Variants in TSGA10IP observed in about 807,000 individuals in gnomAD.
TSGA10IP encodes the protein testis-specific protein 10-interacting protein.
A neutral mutation model predicts 63.2 loss-of-function variants in TSGA10IP; 64 were observed. The ratio of observed to expected loss-of-function variants is 1.01; its 90% CI spans 0.83 to 1.25. The LOEUF (loss-of-function observed/expected upper bound fraction) is 1.25, where lower values mean the gene tolerates loss of function less well. Ranked by LOEUF, TSGA10IP falls within the 50% of genes most tolerant of loss-of-function variation. The pLI is 0.00. For missense variants in TSGA10IP, 681 were observed against 710.1 expected (o/e 0.96, Z 0.47); for synonymous variants, 316 against 298.3 (o/e 1.06, Z -0.61).
intron 5 of TSGA10IP, among the ~76,000 whole-genome samples, chr11:65,956,902 T>C (rs1010747372): frequency 6.6e-6 from 1 of 151,796 alleles, no homozygotes; most frequent in Non-Finnish European, 1.5e-5. Flanking sequence ...GCAAAAAGAG[T>C]GATTCAACCT....
chr11:65,947,942 C>A, intron 3 of TSGA10IP, 59 bp from the exon 4 acceptor site: 3 of 1,525,884 alleles, frequency 2.0e-6, no homozygotes, highest in Middle Eastern at 1.9e-4. Flanking sequence ...TGCTGGGGGG[C>A]GTTGCCTGGT....
intron 4 of TSGA10IP, among the ~76,000 whole-genome samples, chr11:65,948,809 A>C (rs2134868091): frequency 6.6e-6 from 1 of 151,584 alleles, no homozygotes; most frequent in East Asian, 2.0e-4. Context: ...CCCTGTCTCT[A>C]CTGAAAATAT....
At chr11:65,959,684 G>T in intron 7 of TSGA10IP, 133 bp from the exon 8 acceptor site, 1 of 1,298,876 alleles carries the variant, frequency 7.7e-7, no homozygotes, top group South Asian at 1.6e-5. Flanking sequence ...AGTGAGACTC[G>T]AGAAGAGTCA....
intron 5 of TSGA10IP, among the ~76,000 whole-genome samples, chr11:65,954,978 C>T (rs1855000514): frequency 6.6e-6 from 1 of 152,222 alleles, no homozygotes; most frequent in African/African-American, 2.4e-5. Flanking sequence ...CGCATGCGCT[C>T]AGCATCTGCA....
Position 65,953,553 on chromosome 11 carries a change from CTTTCT to C in TSGA10IP, c.1152-13_1152-9del. 6.4e-7 allele frequency: 1 copy of C among 1,560,672 alleles called. No individual in the cohort carries two copies. ...CCCGTGAACCTCTCATTCCCCTTCCCTTTCTCACCCAAGGAGCCTGCTGCAGGCCT... is the reference window on the plus strand; with the variant it reads ...CCCGTGAACCTCTCATTCCCCTTCCCCACCCAAGGAGCCTGCTGCAGGCCT... On this transcript the variant is annotated splice_polypyrimidine_tract_variant and intron_variant, in intron 4 of 7. Coordinates refer to ENST00000532620, the Ensembl canonical transcript of TSGA10IP.
At chr11:65,947,758 G>T in exon 3 of TSGA10IP, 1 of 1,588,338 alleles carries the variant, frequency 6.3e-7, no homozygotes. Context: ...GGAAGACAAG[G>T]GCCAAGGAGC....
intron 4 of TSGA10IP, 65 bp downstream of exon 4, chr11:65,948,213 GAGATGCTTA>G (rs1854880027): frequency 1.3e-6 from 2 of 1,512,696 alleles, no homozygotes; most frequent in African/African-American, 2.8e-5. Context: ...ACTTCTCCAA[GAGATGCTTA>G]GGCATTTGAA....
chr11:65,959,125 C>A lies in TSGA10IP; in HGVS notation c.1423-65C>A, dbSNP rs552821346. ...GGAATCCCTGGGACCCCCTCAGTAA[C>A]CCGATCCCCACCTTGCCCTCGGCAG... On this transcript the variant is annotated intron_variant, in intron 6 of 7. Transcript: ENST00000532620. The A allele has an allele frequency of 1.0e-5, 16 of 1,578,802 alleles. No homozygotes were observed. The East Asian group carries it at 3.2e-4, about 32-fold the overall frequency.
intron 4 of TSGA10IP, among the ~76,000 whole-genome samples, chr11:65,953,021 TC>T (rs1854965609): frequency 6.7e-6 from 1 of 149,932 alleles, no homozygotes; most frequent in Non-Finnish European, 1.5e-5. Context: ...ATTTCTTTTT[TC>T]TTTCTTTCTT....
chr11:65,959,226 C>T lies in TSGA10IP; in HGVS notation c.1459C>T (p.Gln487Ter). The change falls in exon 7 of 8, where the codon CAG becomes TAG. Residue 487 changes from glutamine to a stop codon, truncating the protein, a stop_gained. Coordinates refer to ENST00000532620, the Ensembl canonical transcript of TSGA10IP. LOFTEE classifies it high-confidence loss of function. ...GCTCACCGTCACTCGGCGCTTCTCC[C>T]AGGTGCTGTCAGCACTGGGGCTGGA... 1 of 1,607,998 alleles carries T rather than the reference C, an allele frequency of 6.2e-7. No homozygotes were observed. The highest frequency in any genetic ancestry group is 2.2e-5 in the East Asian group (1 of 44,744).
chr11:65,947,603 G>C (rs755198303), exon 3 of TSGA10IP: 2 of 1,613,866 alleles, frequency 1.2e-6, no homozygotes, highest in Admixed American at 1.7e-5. Context: ...TGAGGAGGGA[G>C]AGCACAGGAC....
At chr11:65,947,696 C>G (rs765697355) in exon 3 of TSGA10IP, 22 of 1,601,038 alleles carry the variant, frequency 1.4e-5, no homozygotes, top group Non-Finnish European at 1.8e-5. Flanking sequence ...AGTGCAGGGC[C>G]AGAGCCAGGG....
intron 5 of TSGA10IP, among the ~76,000 whole-genome samples, chr11:65,955,719 C>T (rs1208937324): frequency 6.6e-6 from 1 of 152,142 alleles, no homozygotes; most frequent in African/African-American, 2.4e-5. Context: ...GTCAGTACGG[C>T]CCGCTCACCT....
At chr11:65,959,155 G>C in intron 6 of TSGA10IP, 35 bp from the exon 7 acceptor site, 1 of 1,595,488 alleles carries the variant, frequency 6.3e-7, no homozygotes, top group Non-Finnish European at 8.5e-7. Flanking sequence ...CGGCAGCCCT[G>C]GTGCAGAGCA....
intron 4 of TSGA10IP, among the ~76,000 whole-genome samples, chr11:65,951,358 C>T (rs958397541): frequency 4.6e-5 from 7 of 151,974 alleles, no homozygotes; most frequent in Non-Finnish European, 1.0e-4. Flanking sequence ...TCATCACCAA[C>T]CCTTATCTTT....
At chr11:65,948,776 CCAG>C (rs1464752885) in intron 4 of TSGA10IP, among the ~76,000 whole-genome samples, 1 of 152,040 alleles carries the variant, frequency 6.6e-6, no homozygotes, top group African/African-American at 2.4e-5. Context: ...GAGTTCGAGA[CCAG>C]CCTGGGCAAC....
At chr11:65,956,039 C>A (rs555798914) in intron 5 of TSGA10IP, among the ~76,000 whole-genome samples, 28 of 152,098 alleles carry the variant, frequency 1.8e-4, no homozygotes, top group Non-Finnish European at 3.8e-4. Context: ...CACCCTGTCT[C>A]CTTTGGTCCG....
chr11:65,948,239 T>C, intron 4 of TSGA10IP, 91 bp downstream of exon 4: 2 of 1,427,356 alleles, frequency 1.4e-6, no homozygotes, highest in East Asian at 5.1e-5. Context: ...TGAACTCTCA[T>C]TCATTTCTTT....
chr11:65,955,838 G>T (rs1000733982), intron 5 of TSGA10IP, among the ~76,000 whole-genome samples: 90 of 152,114 alleles, frequency 5.9e-4, no homozygotes, highest in Non-Finnish European at 8.8e-5. Context: ...GCAGAATTGG[G>T]TTCCAGCCAC....
Sources: allele counts gnomAD v4.1 joint callset (sites outside exome capture counted in the v4.1 genomes callset), GRCh38; gene constraint gnomAD v4.1.1; transcripts MANE v1.5; gene names NCBI Gene and HGNC (gene_info 2026-07-23, HGNC 2026-07-21).